The following ARMC1 variants were observed in gnomAD, a reference collection of about 807,000 sequenced individuals.
ARMC1 encodes armadillo repeat-containing protein 1.
Under a neutral mutation model 31.4 loss-of-function variants are expected in ARMC1, and 16 were observed. The observed-to-expected ratio is 0.51, with a 90% CI of 0.34 to 0.77. The LOEUF (loss-of-function observed/expected upper bound fraction) is 0.77, where lower values mean the gene tolerates loss of function less well. Ranked by LOEUF, ARMC1 falls within the 30% of genes least tolerant of loss-of-function variation. The pLI is 0.01. For missense variants in ARMC1, 259 were observed against 347.5 expected (o/e 0.75, Z 2.02); for synonymous variants, 114 against 118.9 (o/e 0.96, Z 0.27).
At chr8:65,622,655 G>A (rs1808418154) in intron 2 of ARMC1, among the ~76,000 whole-genome samples, 1 of 151,988 alleles carries the variant, frequency 6.6e-6, no homozygotes, top group South Asian at 2.1e-4. Context: ...TAGTGGGGAA[G>A]TGAGCTGTGA....
chr8:65,622,715 G>GA (rs10657870), intron 2 of ARMC1, among the ~76,000 whole-genome samples: 173 of 148,464 alleles, frequency 1.2e-3, no homozygotes, highest in Admixed American at 1.7e-3. Flanking sequence ...TGCCTCAAAA[G>GA]AAAAAAAAAA....
intron 1 of ARMC1, among the ~76,000 whole-genome samples, chr8:65,630,416 A>G (rs1041062271): frequency 6.6e-6 from 1 of 152,234 alleles, no homozygotes; most frequent in African/African-American, 2.4e-5. Context: ...GAAGAGTTCC[A>G]TTCTCATTCA....
intron 2 of ARMC1, 100 bp from the exon 3 acceptor site, chr8:65,622,454 G>GT (rs1382480217): frequency 2.1e-5 from 19 of 885,308 alleles, no homozygotes; most frequent in Non-Finnish European, 3.3e-5. Context: ...GAGAAAATAG[G>GT]TTTTTGTTTT....
intron 3 of ARMC1, among the ~76,000 whole-genome samples, chr8:65,616,368 C>T (rs909128099): frequency 3.9e-5 from 6 of 152,250 alleles, no homozygotes; most frequent in African/African-American, 1.2e-4. Context: ...CTCCTAACCA[C>T]GAGTGATCTG....
intron 2 of ARMC1, among the ~76,000 whole-genome samples, chr8:65,626,096 G>A (rs1399528915): frequency 6.6e-6 from 1 of 151,954 alleles, no homozygotes; most frequent in East Asian, 1.9e-4. Context: ...TCACTACGTT[G>A]GCCAAGCTGG....
At chr8:65,631,031 A>T (rs1272538797) in intron 1 of ARMC1, among the ~76,000 whole-genome samples, 4 of 152,200 alleles carry the variant, frequency 2.6e-5, no homozygotes, top group Admixed American at 2.6e-4. Flanking sequence ...TGTATAACAG[A>T]GGCAGAAACT....
intron 4 of ARMC1, 105 bp from the exon 5 acceptor site, chr8:65,605,643 T>A (rs1296684524): frequency 1.3e-6 from 1 of 799,754 alleles, no homozygotes; most frequent in Non-Finnish European, 2.1e-6. Context: ...AAATGACCTA[T>A]TTCAGTTTTA....
chr8:65,604,628 C>A (rs748204803), intron 6 of ARMC1, 43 bp from the exon 7 acceptor site: 1 of 1,556,342 alleles, frequency 6.4e-7, no homozygotes, highest in Non-Finnish European at 8.8e-7. Context: ...ATCAACTTTA[C>A]TCCTTATTCT....
At chr8:65,631,996 A>G (rs964162816) in intron 1 of ARMC1, among the ~76,000 whole-genome samples, 4 of 152,156 alleles carry the variant, frequency 2.6e-5, no homozygotes, top group African/African-American at 7.2e-5. Context: ...AAAGTGCAAA[A>G]TAATTTTTAT....
intron 3 of ARMC1, among the ~76,000 whole-genome samples, chr8:65,616,913 G>A (rs1431669676): frequency 1.9e-4 from 29 of 151,936 alleles, no homozygotes; most frequent in Non-Finnish European, 3.8e-4. Flanking sequence ...CCCCGTCTGA[G>A]AAGTGAGGAG....
intron 1 of ARMC1, among the ~76,000 whole-genome samples, chr8:65,628,356 T>C (rs377275444): frequency 2.5e-4 from 38 of 150,140 alleles, no homozygotes; most frequent in African/African-American, 8.6e-4. Context: ...GTTCAAGCAA[T>C]TCTCCTGCCT....
In ARMC1 at chr8:65,627,086, G is replaced by C. The variant is rs1467641820; in HGVS notation, c.183+130C>G. 4.0e-6 allele frequency: 3 copies of C among 753,948 alleles called. No homozygotes were observed. In the African/African-American group the frequency reaches 5.3e-5, roughly 13 times the overall value. The allele number at this position is 753,948 out of a possible 1,614,324, so 46.7% of individuals were successfully genotyped here. The stretch of plus-strand genomic sequence containing the variant: ...CCACAGACCACACATACATATGTTT[G>C]TACCTACATAAATACAAACAACTAA... On this transcript the variant is annotated intron_variant, in intron 2 of 6. Coordinates refer to ENST00000276569, the MANE Select transcript of ARMC1 (RefSeq NM_018120.6).
chr8:65,603,195 A>G lies in ARMC1; in HGVS notation c.*1199T>C, dbSNP rs927451047. On this transcript the variant is annotated 3_prime_UTR_variant, in exon 7 of 7. Coordinates refer to ENST00000276569, the MANE Select transcript of ARMC1 (RefSeq NM_018120.6). ...ATTTAATAAAGCATTACATATATGT[A>G]ATTAGCACTTATCTACCAAAAAAAC... 1.3e-5 allele frequency: 2 copies of G among 152,218 alleles called. No homozygotes were observed. The highest frequency in any genetic ancestry group is 4.8e-5 in the African/African-American group (2 of 41,466). The allele number at this position is 152,218 out of a possible 1,614,324, so 9.4% of individuals were successfully genotyped here. A position where few individuals can be genotyped will look rare whatever the true frequency, so the allele number is the denominator to read the frequency against.
At chr8:65,620,798 T>TAAAAAAAAAAAAA (rs776508929) in intron 3 of ARMC1, among the ~76,000 whole-genome samples, 8,017 of 45,392 alleles carry the variant, frequency 0.18, 347 homozygotes, top group Non-Finnish European at 0.23. Flanking sequence ...TTAGTTCCAT[T>TAAAAAAAAAAAAA]TAAAAAAAAA....
intron 1 of ARMC1, 166 bp downstream of exon 1, chr8:65,633,832 G>GT (rs1443815610): frequency 6.6e-6 from 1 of 152,356 alleles, no homozygotes; most frequent in Non-Finnish European, 1.5e-5. Flanking sequence ...CACGGGACAC[G>GT]TGGGGGTAGA....
At chr8:65,615,389 C>T (rs1027306971) in intron 3 of ARMC1, among the ~76,000 whole-genome samples, 22 of 128,112 alleles carry the variant, frequency 1.7e-4, no homozygotes, top group Non-Finnish European at 3.1e-4. Context: ...GAGAAACTTA[C>T]GAACTTAAGT....
chr8:65,632,122 T>C lies in ARMC1; in HGVS notation c.-36+1876A>G, dbSNP rs192391769. ...TCTTTTAAACATGGCTATGAACATA[T>C]GAATAAAATGCTAAGCTCTAAAACT... On this transcript the variant is annotated intron_variant, in intron 1 of 6. Transcript: ENST00000276569. Among the ~76,000 whole-genome samples the C allele has an allele frequency of 1.5e-3, 231 of 152,260 alleles. 1 individual carries two copies. Among genetic ancestry groups the C allele is most frequent in the Non-Finnish European group, 2.7e-3 (182 of 68,012 alleles).
At chr8:65,606,075 A>T (rs1290020916) in intron 4 of ARMC1, among the ~76,000 whole-genome samples, 1 of 152,170 alleles carries the variant, frequency 6.6e-6, no homozygotes, top group Non-Finnish European at 1.5e-5. Flanking sequence ...TATAAAGAAA[A>T]GGTTTGGCCA....
chr8:65,625,937 C>T (rs1357869227), intron 2 of ARMC1, among the ~76,000 whole-genome samples: 2 of 148,138 alleles, frequency 1.4e-5, no homozygotes, highest in East Asian at 2.0e-4. Flanking sequence ...TGCCCAGGCT[C>T]GAGTGCAATG....
Sources: gnomAD v4.1 joint callset for allele counts (sites outside exome capture counted in the v4.1 genomes callset) on GRCh38, gnomAD v4.1.1 for gene constraint, MANE v1.5 for transcripts, NCBI Gene and HGNC (gene_info 2026-07-23, HGNC 2026-07-21) for gene names.